ATL1: variants seen among roughly 807,000 people sequenced by gnomAD.
ATL1 encodes the protein atlastin GTPase 1, also known as atlastin-1.
A neutral mutation model predicts 75.5 loss-of-function variants in ATL1; 31 were observed. The observed-to-expected ratio is 0.41, with a 90% CI of 0.31 to 0.55. ATL1 has a LOEUF of 0.55. Ranked by LOEUF, ATL1 falls within the 20% of genes least tolerant of loss-of-function variation. The pLI is 0.27. For missense variants in ATL1, 405 were observed against 662.6 expected (o/e 0.61, Z 4.27); for synonymous variants, 226 against 233.3 (o/e 0.97, Z 0.28).
At chr14:50,544,515 C>T (rs1214512908) in intron 1 of ATL1, among the ~76,000 whole-genome samples, 1 of 152,192 alleles carries the variant, frequency 6.6e-6, no homozygotes. Flanking sequence ...GGAAGGTTTT[C>T]CTTGCTATTA....
chr14:50,600,419 CT>C (rs2140214757), intron 6 of ATL1, among the ~76,000 whole-genome samples: 1 of 152,258 alleles, frequency 6.6e-6, no homozygotes, highest in Non-Finnish European at 1.5e-5. Context: ...TAACTCTTAA[CT>C]ACCTGAAATT....
At chr14:50,629,593 A>AAC (rs1323169724) in intron 12 of ATL1, among the ~76,000 whole-genome samples, 1 of 151,940 alleles carries the variant, frequency 6.6e-6, no homozygotes, top group Non-Finnish European at 1.5e-5. Flanking sequence ...CAAAAAAAAA[A>AAC]AAAAAAACCC....
chr14:50,601,415 A>G (rs1207704498), intron 6 of ATL1, among the ~76,000 whole-genome samples: 2 of 152,230 alleles, frequency 1.3e-5, no homozygotes, highest in Non-Finnish European at 2.9e-5. Flanking sequence ...AAGTGTAACC[A>G]GTGGTGTGCT....
chr14:50,572,443 A>G lies in ATL1; in HGVS notation c.34+12144A>G, dbSNP rs534413182. On this transcript the variant is annotated intron_variant, in intron 1 of 13. Transcript: ENST00000358385. The stretch of plus-strand genomic sequence containing the variant: ...TCTTGAGTCAGTTTTAGTAATTTAC[A>G]TTTTTCTTGAAATCTATCCATTTCA... Among the ~76,000 whole-genome samples the G allele has an allele frequency of 1.8e-4, 27 of 152,058 alleles. No individual in the cohort carries two copies. The South Asian group carries it at 5.0e-3, about 28-fold the overall frequency.
intron 1 of ATL1, among the ~76,000 whole-genome samples, chr14:50,563,099 C>T (rs978364965): frequency 4.6e-5 from 7 of 152,124 alleles, no homozygotes; most frequent in African/African-American, 1.7e-4. Flanking sequence ...ATGGATAATA[C>T]CTTCTGTATT....
At chr14:50,606,884 C>T (rs2039321241) in intron 6 of ATL1, among the ~76,000 whole-genome samples, 3 of 151,868 alleles carry the variant, frequency 2.0e-5, no homozygotes, top group Admixed American at 6.6e-5. Flanking sequence ...AATGGTGTGC[C>T]CCCAAACCAA....
rs865881332 is a variant in ATL1, at chr14:50,618,897, T to A, written c.863-1702T>A. Among the ~76,000 whole-genome samples the A allele has an allele frequency of 6.4e-5, 9 of 141,402 alleles. No individual in the cohort carries two copies. In the East Asian group the frequency reaches 1.3e-3, roughly 21 times the overall value. The allele number at this position is 141,402 out of a possible 152,430, so 92.8% of individuals were successfully genotyped here. ...TGTGTGTATATATATATATATTTTT[T>A]TTTCTTTCTTTGAGACAGGGTCTTG... On this transcript the variant is annotated intron_variant, in intron 8 of 13. Transcript: ENST00000358385.
intron 6 of ATL1, among the ~76,000 whole-genome samples, chr14:50,609,553 G>A (rs929928389): frequency 6.6e-6 from 1 of 151,882 alleles, no homozygotes; most frequent in Non-Finnish European, 1.5e-5. Context: ...CTTGATTCAA[G>A]ATTCTTGGAC....
chr14:50,569,191 C>CA (rs796648070), intron 1 of ATL1, among the ~76,000 whole-genome samples: 8,518 of 142,496 alleles, frequency 0.06, 797 homozygotes, highest in African/African-American at 0.2. Flanking sequence ...CCTTTCTCCA[C>CA]AAAAAAAAAA....
rs1382682019 is a variant in ATL1 at position 50,574,933 on chromosome 14, GTGTGTATATATA to G, written c.35-12896_35-12885del. 3.7e-3 allele frequency among the ~76,000 whole-genome samples: 172 copies of G among 45,972 alleles called. 1 individual carries two copies. The highest frequency in any genetic ancestry group is 7.2e-3 in the African/African-American group (81 of 11,294). The allele number at this position is 45,972 out of a possible 152,430, so 30.2% of individuals were successfully genotyped here. ...AGTGTGTGTGTGTGTGTGTGTGTGTGTGTGTATATATATATATATATATATATATATATATAT... is the reference window on the plus strand; with the variant it reads ...AGTGTGTGTGTGTGTGTGTGTGTGTGTATATATATATATATATATATATAT... On this transcript the variant is annotated intron_variant, in intron 1 of 13. Coordinates refer to ENST00000358385, the MANE Select transcript of ATL1 (RefSeq NM_015915.5).
rs745354380 is a variant in ATL1 at position 50,587,831 on chromosome 14, G to A, written c.35G>A (p.Gly12Asp). ...AKNRRDRNSW[G>D]GFSEKTYEWS... Reference sequence around the variant, plus strand: ...AACCAGTCACTGCTCTGTTCAACAGGTGGATTTTCGGAAAAGACATATGAA... The same window carrying A: ...AACCAGTCACTGCTCTGTTCAACAGATGGATTTTCGGAAAAGACATATGAA... Residue 12 changes from glycine to aspartate, a missense_variant and splice_region_variant, in exon 2 of 14, where the codon GGT becomes GAT. Physicochemically the swap from Gly to Asp is moderately conservative, Grantham distance 94 (BLOSUM62 -1). This residue lies in a region of ATL1 where 126 missense variants were observed against 172.0 expected (regional missense o/e 0.73). Transcript: ENST00000358385. 6 of 1,614,186 alleles carry A rather than the reference G, an allele frequency of 3.7e-6. No individual in the cohort carries two copies. The highest frequency in any genetic ancestry group is 5.1e-6 in the Non-Finnish European group (6 of 1,180,046).
intron 1 of ATL1, chr14:50,572,215 G>GT (rs375466389): frequency 3.4e-4 from 94 of 273,026 alleles, no homozygotes; most frequent in African/African-American, 2.0e-3. Flanking sequence ...TGATATCAAG[G>GT]TATCAAGGTT....
chr14:50,538,809 T>TC (rs1382311734), intron 1 of ATL1, among the ~76,000 whole-genome samples: 1 of 152,210 alleles, frequency 6.6e-6, no homozygotes, highest in African/African-American at 2.4e-5. Context: ...TGTCATCTAA[T>TC]CATTTATTTA....
At chr14:50,591,665 T>C (rs773825245) in intron 4 of ATL1, 26 bp downstream of exon 4, 6 of 1,525,484 alleles carry the variant, frequency 3.9e-6, no homozygotes, top group Non-Finnish European at 5.5e-6. Context: ...ATTTTGATGA[T>C]GTTTCTTTAA....
intron 2 of ATL1, among the ~76,000 whole-genome samples, chr14:50,589,708 T>A (rs184390922): frequency 2.2e-4 from 34 of 152,286 alleles, no homozygotes; most frequent in East Asian, 1.5e-3. Flanking sequence ...ATTGAATAGG[T>A]TATTGAGCCA....
chr14:50,548,178 AAGATAGTACAGCAGCTTGTTCCCC>A (rs2038658187), intron 1 of ATL1, among the ~76,000 whole-genome samples: 2 of 152,172 alleles, frequency 1.3e-5, no homozygotes, highest in Non-Finnish European at 2.9e-5. Flanking sequence ...TGTCACTGAT[AAGATAGTACAGCAGCTTGTTCCCC>A]AGACAGTAAA....
Position 50,613,290 on chromosome 14 carries a change from T to A in ATL1, c.662T>A (p.Phe221Tyr), listed in dbSNP as rs772433965. 12 of 1,613,258 alleles carry A rather than the reference T, an allele frequency of 7.4e-6. No individual in the cohort carries two copies. Among genetic ancestry groups the A allele is most frequent in the Non-Finnish European group, 8.5e-7 (1 of 1,179,670 alleles). Residue 221 changes from phenylalanine (F) to tyrosine (Y), a missense_variant, in exon 7 of 14, where the codon TTC (phenylalanine) becomes TAC (tyrosine). Phe to Tyr is a conservative substitution (Grantham distance 22, BLOSUM62 3). Transcript: ENST00000358385. ...SLIFLVRDWSFPYEFSYGADG... is the reference protein window; with the variant it reads ...SLIFLVRDWSYPYEFSYGADG... Reference sequence around the variant, plus strand: ...ATATTTCTTGTTCGAGACTGGAGTTTCCCATACGAATTTTCATATGGAGCC... The same window carrying A: ...ATATTTCTTGTTCGAGACTGGAGTTACCCATACGAATTTTCATATGGAGCC...
intron 1 of ATL1, among the ~76,000 whole-genome samples, chr14:50,537,397 G>A (rs1566703642): frequency 6.6e-6 from 1 of 152,232 alleles, no homozygotes; most frequent in Non-Finnish European, 1.5e-5. Flanking sequence ...CCCTCACGGA[G>A]AACCTCTGCT....
At chr14:50,591,364 A>G (rs917764074) in intron 3 of ATL1, among the ~76,000 whole-genome samples, 171 bp from the exon 4 acceptor site, 3 of 152,210 alleles carry the variant, frequency 2.0e-5, no homozygotes, top group African/African-American at 7.2e-5. Flanking sequence ...TTATAATAGT[A>G]ATCAGCTGTT....
Sources: allele counts gnomAD v4.1 joint callset (sites outside exome capture counted in the v4.1 genomes callset), GRCh38; gene constraint gnomAD v4.1.1; regional missense constraint gnomAD v4.1.1; transcripts MANE v1.5; gene names NCBI Gene and HGNC (gene_info 2026-07-23, HGNC 2026-07-21).